The following KAZN variants were observed in gnomAD, a reference collection of about 807,000 sequenced individuals.
KAZN encodes kazrin, periplakin interacting protein.
KAZN carries 40 observed loss-of-function variants against 87.4 expected under a neutral mutation model. The ratio of observed to expected loss-of-function variants is 0.46; its 90% confidence interval spans 0.36 to 0.60. The LOEUF (loss-of-function observed/expected upper bound fraction) is 0.60. KAZN is among the 20% of genes least tolerant of loss of function. KAZN has a pLI of 0.00. For missense variants in KAZN, 898 were observed against 1,073.9 expected (o/e 0.84, Z 2.29); for synonymous variants, 466 against 458.3 (o/e 1.02, Z -0.22).
chr1:15,092,559 C>T (rs1003341760), intron 8 of KAZN, among the ~76,000 whole-genome samples: 1 of 152,058 alleles, frequency 6.6e-6, no homozygotes, highest in South Asian at 2.1e-4. Context: ...ATAACCTCCG[C>T]CTCCCTGGCT....
chr1:14,122,388 G>T (rs1205709372), intron 1 of KAZN, among the ~76,000 whole-genome samples: 35 of 152,066 alleles, frequency 2.3e-4, no homozygotes, highest in East Asian at 1.9e-4. Flanking sequence ...GCCACTTTTG[G>T]ATCTCTTTTA....
intron 2 of KAZN, among the ~76,000 whole-genome samples, chr1:14,514,375 AAT>A (rs1301472634): frequency 0.089 from 1,256 of 14,148 alleles, 319 homozygotes; most frequent in African/African-American, 0.22. Flanking sequence ...TTATATATAT[AAT>A]ATATATATAT....
In KAZN at chr1:14,655,468, G is replaced by A. The variant is rs192296069; in HGVS notation, c.226+56245G>A. On this transcript the variant is annotated intron_variant, in intron 1 of 14. Coordinates refer to ENST00000376030, the MANE Select transcript of KAZN (RefSeq NM_201628.3). ...ATGTGGTGCATTCAGGTGGGTCTCC[G>A]GGTCATTACAGTGAATTAGTGAAAT... 3.7e-4 allele frequency among the ~76,000 whole-genome samples: 57 copies of A among 152,138 alleles called. No individual in the cohort carries two copies. In the East Asian group the frequency reaches 0.01, roughly 27 times the overall value.
At chr1:14,804,009 CT>C (rs1429169340) in intron 1 of KAZN, among the ~76,000 whole-genome samples, 4 of 152,246 alleles carry the variant, frequency 2.6e-5, no homozygotes, top group Non-Finnish European at 4.4e-5. Flanking sequence ...CCTTTTCCCT[CT>C]TCTCAGCCTC....
chr1:14,900,949 G>A (rs901570574), intron 1 of KAZN, among the ~76,000 whole-genome samples: 54 of 152,094 alleles, frequency 3.6e-4, no homozygotes, highest in African/African-American at 1.3e-3. Flanking sequence ...CTCTCTGTCC[G>A]CACACTTATT....
intron 1 of KAZN, among the ~76,000 whole-genome samples, chr1:14,865,612 A>T (rs1056378389): frequency 6.6e-6 from 1 of 152,068 alleles, no homozygotes; most frequent in Admixed American, 6.6e-5. Context: ...AGGAATAGCA[A>T]TCCCTTCTAC....
chr1:14,297,072 CAATTAG>C (rs1654180833), intron 2 of KAZN, among the ~76,000 whole-genome samples: 1 of 152,122 alleles, frequency 6.6e-6, no homozygotes, highest in Non-Finnish European at 1.5e-5. Flanking sequence ...AGTCATGTAT[CAATTAG>C]CAATGCATTC....
intron 2 of KAZN, among the ~76,000 whole-genome samples, chr1:14,307,064 C>G (rs1291407297): frequency 6.6e-6 from 1 of 152,176 alleles, no homozygotes; most frequent in Admixed American, 6.5e-5. Flanking sequence ...CCCTAAAGCA[C>G]CCAGCAGAAA....
At chr1:14,843,740 T>C (rs757809323) in intron 1 of KAZN, among the ~76,000 whole-genome samples, 2 of 152,240 alleles carry the variant, frequency 1.3e-5, no homozygotes, top group Non-Finnish European at 1.5e-5. Context: ...CAGCTGTTTA[T>C]TCTCCACATT....
At chr1:14,107,750 C>T (rs1040258974) in intron 1 of KAZN, among the ~76,000 whole-genome samples, 18 of 152,058 alleles carry the variant, frequency 1.2e-4, no homozygotes, top group African/African-American at 4.3e-4. Flanking sequence ...AACTCATGAG[C>T]TTTGTATGCT....
chr1:14,265,641 A>G (rs1421108368), intron 2 of KAZN, among the ~76,000 whole-genome samples: 1 of 152,184 alleles, frequency 6.6e-6, no homozygotes, highest in Non-Finnish European at 1.5e-5. Context: ...GGAATCAGAA[A>G]TCGAACCCTC....
rs562308711 is a variant in KAZN, at chr1:14,119,430, A to G, written c.92-61005A>G. 2.0e-5 allele frequency among the ~76,000 whole-genome samples: 3 copies of G among 152,344 alleles called. No homozygotes were observed. The East Asian group carries it at 5.8e-4, about 29-fold the overall frequency. On this transcript the variant is annotated intron_variant, in intron 1 of 16. Coordinates refer to the KAZN transcript ENST00000636203. ...GGGCAGCAAGGGTTTGCAGCTGCTC[A>G]GGTGTGCCTGTGCCATCTTTTTGTC...
intron 1 of KAZN, among the ~76,000 whole-genome samples, chr1:14,905,545 G>A (rs1369929391): frequency 3.3e-5 from 5 of 152,176 alleles, no homozygotes; most frequent in African/African-American, 4.8e-5. Flanking sequence ...AAATAGTTCA[G>A]TAAAAATAAT....
chr1:14,061,931 G>A, intron 1 of KAZN, among the ~76,000 whole-genome samples: 1 of 152,132 alleles, frequency 6.6e-6, no homozygotes. Context: ...CTTGCTTATG[G>A]ACTTGCTAAC....
At chr1:14,268,067 A>G (rs559459566) in intron 2 of KAZN, among the ~76,000 whole-genome samples, 1 of 152,350 alleles carries the variant, frequency 6.6e-6, no homozygotes, top group Non-Finnish European at 1.5e-5. Flanking sequence ...CTCTGGCTCA[A>G]TACCTCTGTG....
chr1:14,677,918 C>T (rs576973077), intron 1 of KAZN, among the ~76,000 whole-genome samples: 4 of 152,138 alleles, frequency 2.6e-5, no homozygotes, highest in African/African-American at 4.8e-5. Flanking sequence ...GTGTGCTTTA[C>T]GGAGAAAACA....
intron 2 of KAZN, among the ~76,000 whole-genome samples, chr1:14,375,546 C>T (rs1371712787): frequency 6.6e-6 from 1 of 152,192 alleles, no homozygotes; most frequent in East Asian, 1.9e-4. Flanking sequence ...AACCAATCTG[C>T]ATTTTTCATC....
chr1:14,056,357 G>A (rs536637345), intron 1 of KAZN, among the ~76,000 whole-genome samples: 30 of 152,314 alleles, frequency 2.0e-4, no homozygotes, highest in Admixed American at 1.4e-3. Flanking sequence ...TAGAGTCAAA[G>A]GAGATGTCAC....
At chr1:14,022,761 T>G (rs1640903974) in intron 1 of KAZN, among the ~76,000 whole-genome samples, 1 of 152,116 alleles carries the variant, frequency 6.6e-6, no homozygotes, top group African/African-American at 2.4e-5. Flanking sequence ...TCCAAATGGC[T>G]TAAACAGTTA....
Sources: allele counts gnomAD v4.1 joint callset (sites outside exome capture counted in the v4.1 genomes callset), GRCh38; gene constraint gnomAD v4.1.1; transcripts MANE v1.5; gene names NCBI Gene and HGNC (gene_info 2026-07-23, HGNC 2026-07-21).